Variants in CTNND2 observed in about 807,000 individuals in gnomAD.
The protein encoded by CTNND2 is catenin delta-2.
CTNND2 carries 22 observed loss-of-function variants against 144.4 expected under a neutral mutation model. That is an observed-to-expected ratio of 0.15 (90% CI 0.11 to 0.22). The LOEUF is 0.22. Among genes scored for constraint, CTNND2 ranks in the 10% least tolerant of loss-of-function variants. The probability of loss-of-function intolerance (pLI) is 1.00; values close to 1 mark genes in which losing one functional copy is unlikely to be tolerated. For missense variants in CTNND2, 1,353 were observed against 1,618.8 expected (o/e 0.84, Z 2.82); for synonymous variants, 751 against 695.6 (o/e 1.08, Z -1.25).
chr5:11,237,400 G>C (rs1353247016), intron 9 of CTNND2, among the ~76,000 whole-genome samples: 1 of 152,126 alleles, frequency 6.6e-6, no homozygotes, highest in Non-Finnish European at 1.5e-5. Flanking sequence ...TCTATCAACT[G>C]AAGTTACATG....
intron 1 of CTNND2, among the ~76,000 whole-genome samples, chr5:11,779,127 G>A (rs113294956): frequency 3.4e-4 from 52 of 152,188 alleles, no homozygotes; most frequent in African/African-American, 1.2e-3. Context: ...TGGTGTATCC[G>A]CCATATGTTC....
At chr5:11,762,465 T>C (rs905125986) in intron 1 of CTNND2, among the ~76,000 whole-genome samples, 1 of 152,162 alleles carries the variant, frequency 6.6e-6, no homozygotes, top group African/African-American at 2.4e-5. Context: ...AGACCTCATA[T>C]GTGCATATGA....
At chr5:11,849,113 C>T (rs1044019192) in intron 1 of CTNND2, among the ~76,000 whole-genome samples, 1 of 152,086 alleles carries the variant, frequency 6.6e-6, no homozygotes, top group Admixed American at 6.6e-5. Context: ...CTCACAGTTC[C>T]ACATGGCTAG....
chr5:11,390,033 T>C (rs1462379393), intron 6 of CTNND2, among the ~76,000 whole-genome samples: 1 of 152,244 alleles, frequency 6.6e-6, no homozygotes, highest in Non-Finnish European at 1.5e-5. Flanking sequence ...CGCCAAAATC[T>C]GAAATCCAAA....
intron 7 of CTNND2, among the ~76,000 whole-genome samples, chr5:11,378,255 T>G (rs1163813241): frequency 6.6e-6 from 1 of 152,190 alleles, no homozygotes; most frequent in Non-Finnish European, 1.5e-5. Flanking sequence ...AGACCCATAT[T>G]ACATTGATTC....
chr5:11,091,332 TTTTA>T (rs1445661900), intron 15 of CTNND2, among the ~76,000 whole-genome samples: 3 of 152,188 alleles, frequency 2.0e-5, no homozygotes, highest in African/African-American at 4.8e-5. Flanking sequence ...ACTCTAGAGG[TTTTA>T]TTTGAGTCTT....
intron 16 of CTNND2, among the ~76,000 whole-genome samples, chr5:11,029,829 G>A (rs925910218): frequency 1.3e-5 from 2 of 152,138 alleles, no homozygotes; most frequent in African/African-American, 4.8e-5. Context: ...CTTTATAATT[G>A]CCCATGTATT....
chr5:11,150,437 T>C (rs1221574235), intron 12 of CTNND2, among the ~76,000 whole-genome samples: 1 of 152,000 alleles, frequency 6.6e-6, no homozygotes, highest in Non-Finnish European at 1.5e-5. Flanking sequence ...CTTGGTCAAT[T>C]AGAGGGAAAC....
intron 11 of CTNND2, 119 bp from the exon 12 acceptor site, chr5:11,159,878 CA>C: frequency 2.7e-6 from 2 of 729,762 alleles, no homozygotes; most frequent in Non-Finnish European, 4.4e-6. Flanking sequence ...TGTGGACACA[CA>C]TCCTAGAGTG....
chr5:11,037,793 T>A (rs1388237288), intron 16 of CTNND2, among the ~76,000 whole-genome samples: 2 of 152,178 alleles, frequency 1.3e-5, no homozygotes, highest in Non-Finnish European at 2.9e-5. Context: ...TAAAATCCTT[T>A]AAAAATTTTA....
intron 1 of CTNND2, among the ~76,000 whole-genome samples, chr5:11,825,150 G>A (rs1296678809): frequency 6.6e-6 from 1 of 152,032 alleles, no homozygotes; most frequent in Non-Finnish European, 1.5e-5. Context: ...CTAAGATTCA[G>A]AAATGATGCA....
intron 11 of CTNND2, among the ~76,000 whole-genome samples, 197 bp from the exon 12 acceptor site, chr5:11,159,956 G>C (rs1477880487): frequency 1.3e-5 from 2 of 152,194 alleles, no homozygotes; most frequent in African/African-American, 2.4e-5. Context: ...TGATGAGTGA[G>C]CAGAGGAACT....
chr5:11,595,288 C>T (rs572273608), intron 2 of CTNND2, among the ~76,000 whole-genome samples: 8 of 152,282 alleles, frequency 5.3e-5, no homozygotes, highest in African/African-American at 1.9e-4. Context: ...ACTGAAACCC[C>T]AGTGCTGCCT....
chr5:11,900,745 G>C (rs756214235), intron 1 of CTNND2, among the ~76,000 whole-genome samples: 15 of 152,194 alleles, frequency 9.9e-5, no homozygotes, highest in Non-Finnish European at 2.2e-4. Flanking sequence ...TGGCTTGGCA[G>C]TGTATTTCCA....
intron 3 of CTNND2, among the ~76,000 whole-genome samples, chr5:11,533,668 T>C (rs1428699174): frequency 2.6e-5 from 4 of 152,202 alleles, no homozygotes; most frequent in Admixed American, 2.6e-4. Flanking sequence ...GGAAACTTCA[T>C]CTCTGGCTTC....
intron 1 of CTNND2, among the ~76,000 whole-genome samples, chr5:11,886,423 C>CA (rs1736536711): frequency 6.6e-6 from 1 of 151,666 alleles, no homozygotes; most frequent in Non-Finnish European, 1.5e-5. Context: ...AACTGTATGC[C>CA]AAAAAAATTG....
chr5:11,894,497 T>C (rs1737241606), intron 1 of CTNND2, among the ~76,000 whole-genome samples: 1 of 152,220 alleles, frequency 6.6e-6, no homozygotes, highest in Non-Finnish European at 1.5e-5. Context: ...ATAAACACAT[T>C]AGTAACAAAA....
chr5:11,417,857 C>A (rs961461137), intron 3 of CTNND2, among the ~76,000 whole-genome samples: 27 of 152,054 alleles, frequency 1.8e-4, no homozygotes. Context: ...TTGTTCTTGC[C>A]TACATTGTTG....
chr5:11,022,358 C>T (rs1742342941), intron 17 of CTNND2, among the ~76,000 whole-genome samples: 1 of 152,108 alleles, frequency 6.6e-6, no homozygotes, highest in Non-Finnish European at 1.5e-5. Context: ...TGTCTCCTCC[C>T]CCATCCTTCC....
Sources: gnomAD v4.1 joint callset for allele counts (sites outside exome capture counted in the v4.1 genomes callset) on GRCh38, gnomAD v4.1.1 for gene constraint, MANE v1.5 for transcripts, NCBI Gene and HGNC (gene_info 2026-07-23, HGNC 2026-07-21) for gene names.